Variants in NELL1 observed in about 807,000 individuals in gnomAD.
NELL1 encodes neural EGFL like 1, also known as protein kinase C-binding protein NELL1.
Under a neutral mutation model 107.4 loss-of-function variants are expected in NELL1, and 76 were observed. The observed-to-expected ratio is 0.71, with a 90% CI of 0.59 to 0.86. The LOEUF (loss-of-function observed/expected upper bound fraction) is 0.86. NELL1 is among the 40% of genes least tolerant of loss of function. The pLI, the probability that NELL1 is intolerant of heterozygous loss-of-function variation, is 0.00. For missense variants in NELL1, 1,024 were observed against 1,005.5 expected (o/e 1.02, Z -0.25); for synonymous variants, 353 against 341.2 (o/e 1.03, Z -0.38).
intron 15 of NELL1, among the ~76,000 whole-genome samples, chr11:21,380,002 T>G (rs1851573325): frequency 6.6e-6 from 1 of 152,106 alleles, no homozygotes; most frequent in South Asian, 2.1e-4. Flanking sequence ...ATTTATTCTA[T>G]TTCCTCTCCA....
At chr11:21,494,558 C>T (rs1446506000) in intron 15 of NELL1, among the ~76,000 whole-genome samples, 2 of 151,692 alleles carry the variant, frequency 1.3e-5, no homozygotes, top group African/African-American at 4.8e-5. Flanking sequence ...GCTTTATGAA[C>T]ATGGTATTAT....
intron 15 of NELL1, among the ~76,000 whole-genome samples, chr11:21,404,285 C>T (rs1163753891): frequency 2.0e-5 from 3 of 151,958 alleles, no homozygotes; most frequent in Non-Finnish European, 4.4e-5. Flanking sequence ...CAGTAGGTCA[C>T]ACACTCAAAA....
intron 14 of NELL1, among the ~76,000 whole-genome samples, chr11:21,269,010 A>G (rs1590788749): frequency 6.6e-6 from 1 of 152,266 alleles, no homozygotes; most frequent in East Asian, 1.9e-4. Flanking sequence ...GCAGACATGA[A>G]AAATGCCTTT....
At chr11:20,905,630 C>T (rs1387931868) in intron 5 of NELL1, among the ~76,000 whole-genome samples, 2 of 151,922 alleles carry the variant, frequency 1.3e-5, no homozygotes, top group African/African-American at 2.4e-5. Context: ...CTGAGAAGTA[C>T]AACTGGAATA....
chr11:21,156,692 T>C lies in NELL1; in HGVS notation c.1426+42978T>C, dbSNP rs1184325007. ...GTGAAGATTGTTATTTTTGTCGAGG[T>C]CAAAACTTTGAAAGTACATTAGTCA... On this transcript the variant is annotated intron_variant, in intron 13 of 19. Coordinates refer to ENST00000357134, the MANE Select transcript of NELL1 (RefSeq NM_006157.5). Among the ~76,000 whole-genome samples, 3 of 151,726 alleles carry C rather than the reference T, an allele frequency of 2.0e-5. No individual in the cohort carries two copies. The East Asian group carries it at 5.8e-4, about 29-fold the overall frequency.
intron 15 of NELL1, among the ~76,000 whole-genome samples, chr11:21,392,942 A>G (rs955577734): frequency 4.6e-5 from 7 of 151,724 alleles, no homozygotes; most frequent in Non-Finnish European, 1.0e-4. Context: ...GCAGGATGTT[A>G]TGGGAAATTG....
intron 12 of NELL1, among the ~76,000 whole-genome samples, chr11:21,113,104 A>G (rs753400279): frequency 6.6e-6 from 1 of 151,946 alleles, no homozygotes; most frequent in Non-Finnish European, 1.5e-5. Context: ...TATTCATAGT[A>G]CAACATGGGA....
intron 12 of NELL1, among the ~76,000 whole-genome samples, chr11:21,076,617 A>G (rs1046966686): frequency 2.6e-5 from 4 of 152,168 alleles, no homozygotes; most frequent in Non-Finnish European, 5.9e-5. Context: ...TCATGTTGCT[A>G]TAATTTGGAT....
At chr11:21,307,984 C>T (rs1045691047) in intron 14 of NELL1, among the ~76,000 whole-genome samples, 1 of 151,892 alleles carries the variant, frequency 6.6e-6, no homozygotes, top group Non-Finnish European at 1.5e-5. Flanking sequence ...CTAAATTGGT[C>T]ATATGGAACA....
chr11:21,281,682 C>T (rs1590801337), intron 14 of NELL1, among the ~76,000 whole-genome samples: 1 of 152,044 alleles, frequency 6.6e-6, no homozygotes, highest in African/African-American at 2.4e-5. Flanking sequence ...TCACTCCACC[C>T]CCAGATCCAG....
intron 5 of NELL1, among the ~76,000 whole-genome samples, chr11:20,893,380 TAATA>T (rs1849659038): frequency 1.3e-5 from 2 of 149,806 alleles, no homozygotes; most frequent in Admixed American, 1.3e-4. Flanking sequence ...TTTTTTTTTT[TAATA>T]AATAAAAAAA....
chr11:20,902,945 T>C (rs544769812), intron 5 of NELL1, among the ~76,000 whole-genome samples: 2 of 152,014 alleles, frequency 1.3e-5, no homozygotes, highest in Non-Finnish European at 2.9e-5. Context: ...GAAAAATGCA[T>C]AGAAGTGATA....
chr11:20,699,522 A>C lies in NELL1; in HGVS notation c.184+21462A>C, dbSNP rs190571358. On this transcript the variant is annotated intron_variant, in intron 2 of 19. Transcript: ENST00000357134. Reference sequence around the variant, plus strand: ...ACTACAGGTGCACGCCACCATGCCCAACTAATTTGTGTATTTTAGTAGAGA... The same window carrying C: ...ACTACAGGTGCACGCCACCATGCCCCACTAATTTGTGTATTTTAGTAGAGA... Among the ~76,000 whole-genome samples, 1,228 of 152,038 alleles carry C rather than the reference A, an allele frequency of 8.1e-3. 12 individuals carry two copies. Among genetic ancestry groups the C allele is most frequent in the African/African-American group, 0.028 (1,167 of 41,456 alleles).
chr11:21,406,711 A>T (rs1313813164), intron 15 of NELL1, among the ~76,000 whole-genome samples: 2 of 152,018 alleles, frequency 1.3e-5, no homozygotes, highest in African/African-American at 4.8e-5. Context: ...TTATTGATAC[A>T]TAATAAAGAT....
chr11:20,689,090 G>A (rs1590206062), intron 2 of NELL1, among the ~76,000 whole-genome samples: 3 of 151,916 alleles, frequency 2.0e-5, no homozygotes, highest in African/African-American at 7.3e-5. Context: ...AAAAGTGTTT[G>A]TTCATGTCAT....
chr11:21,127,550 G>A (rs1324217821), intron 13 of NELL1, among the ~76,000 whole-genome samples: 2 of 151,974 alleles, frequency 1.3e-5, no homozygotes, highest in African/African-American at 4.8e-5. Flanking sequence ...AGTAGTTCAA[G>A]GATTCAGTGA....
intron 2 of NELL1, among the ~76,000 whole-genome samples, chr11:20,702,423 G>GT (rs1367650962): frequency 6.6e-6 from 1 of 152,090 alleles, no homozygotes; most frequent in African/African-American, 2.4e-5. Context: ...AGACAATGGG[G>GT]TTTTCTAAAT....
At chr11:21,520,039 G>T (rs769863942) in intron 15 of NELL1, among the ~76,000 whole-genome samples, 1 of 152,200 alleles carries the variant, frequency 6.6e-6, no homozygotes, top group African/African-American at 2.4e-5. Context: ...ACTAATAGGA[G>T]AAGAGAGATA....
intron 4 of NELL1, among the ~76,000 whole-genome samples, chr11:20,870,977 T>TA (rs1403533861): frequency 6.6e-6 from 1 of 152,192 alleles, no homozygotes; most frequent in Non-Finnish European, 1.5e-5. Context: ...TAAACATTAT[T>TA]AAAAAACAAT....
Sources: allele counts gnomAD v4.1 joint callset (sites outside exome capture counted in the v4.1 genomes callset), GRCh38; gene constraint gnomAD v4.1.1; transcripts MANE v1.5; gene names NCBI Gene and HGNC (gene_info 2026-07-23, HGNC 2026-07-21).